The following SYTL2 variants were observed in gnomAD, a reference collection of about 807,000 sequenced individuals.
The protein encoded by SYTL2 is synaptotagmin like 2, also known as synaptotagmin-like protein 2.
A neutral mutation model predicts 198.7 loss-of-function variants in SYTL2; 165 were observed. The ratio of observed to expected loss-of-function variants is 0.83; its 90% CI spans 0.73 to 0.94. The LOEUF (loss-of-function observed/expected upper bound fraction) is 0.94. Ranked by LOEUF, SYTL2 falls within the 40% of genes least tolerant of loss-of-function variation. The pLI, the probability that SYTL2 is intolerant of heterozygous loss-of-function variation, is 0.00. For synonymous variants in SYTL2, 966 were observed against 917.7 expected, an observed-to-expected ratio of 1.05 and a Z score of -0.95; for missense variants, 2,835 against 2,582.8, an observed-to-expected ratio of 1.10 and a Z score of -2.12.
chr11:85,779,280 T>C (rs547668914), intron 1 of SYTL2, among the ~76,000 whole-genome samples: 1 of 152,176 alleles, frequency 6.6e-6, no homozygotes, highest in African/African-American at 2.4e-5. Flanking sequence ...TTGGTTCAGA[T>C]GTGGTTGTTT....
chr11:85,702,507 T>G lies in SYTL2; in HGVS notation c.6190-1914A>C, dbSNP rs995820109. On this transcript the variant is annotated intron_variant, in intron 16 of 19. Transcript: ENST00000359152. ...GCCCCAGAATCTGTGATTTAATAAGTCCTTCAGGTGAATCAGATGCATGCT... is the reference window on the plus strand; with the variant it reads ...GCCCCAGAATCTGTGATTTAATAAGGCCTTCAGGTGAATCAGATGCATGCT... Among the ~76,000 whole-genome samples, 8 of 152,272 alleles carry G rather than the reference T, an allele frequency of 5.3e-5. No homozygotes were observed. In the East Asian group the frequency reaches 1.5e-3, roughly 29 times the overall value.
intron 6 of SYTL2, 64 bp from the exon 7 acceptor site, chr11:85,734,806 G>A: frequency 8.2e-7 from 1 of 1,213,716 alleles, no homozygotes. Context: ...TAAAATACCT[G>A]TCATAAACTT....
intron 2 of SYTL2, among the ~76,000 whole-genome samples, chr11:85,755,813 T>C (rs1020122300): frequency 1.3e-5 from 2 of 152,106 alleles, no homozygotes; most frequent in African/African-American, 4.8e-5. Flanking sequence ...CCTCGTAAGC[T>C]GACTATCTAG....
At chr11:85,851,859 C>T in the SYTL2 span, among the ~76,000 whole-genome samples, 1 of 152,160 alleles carries the variant, frequency 6.6e-6, no homozygotes, top group Non-Finnish European at 1.5e-5. Flanking sequence ...CCTGAATTTG[C>T]ACTCTTAATA....
intron 1 of SYTL2, among the ~76,000 whole-genome samples, chr11:85,766,570 C>T (rs2092244829): frequency 1.3e-5 from 2 of 152,208 alleles, no homozygotes; most frequent in Admixed American, 6.5e-5. Context: ...CACCAAGAGG[C>T]TTGCCTAAGT....
chr11:85,721,077 TA>T, intron 8 of SYTL2, 118 bp from the exon 9 acceptor site: 1 of 609,848 alleles, frequency 1.6e-6, no homozygotes, highest in South Asian at 2.1e-5. Flanking sequence ...GTTTCTACTT[TA>T]AGAAGCACTT....
intron 1 of SYTL2, among the ~76,000 whole-genome samples, chr11:85,761,743 C>T (rs2092101473): frequency 6.6e-6 from 1 of 152,210 alleles, no homozygotes; most frequent in Non-Finnish European, 1.5e-5. Flanking sequence ...ACTGCAACTT[C>T]CACCTCCTGG....
chr11:85,717,935 C>A (rs1365902492), intron 10 of SYTL2, among the ~76,000 whole-genome samples: 1 of 152,122 alleles, frequency 6.6e-6, no homozygotes, highest in Non-Finnish European at 1.5e-5. Context: ...AAAATCCCTG[C>A]CCCATCAACT....
chr11:85,822,815 G>A, the SYTL2 span, among the ~76,000 whole-genome samples: 1 of 152,238 alleles, frequency 6.6e-6, no homozygotes, highest in African/African-American at 2.4e-5. Context: ...CTGACAGGGA[G>A]TAGGACCGTA....
intron 11 of SYTL2, 135 bp from the exon 12 acceptor site, chr11:85,714,642 A>T: frequency 7.0e-7 from 1 of 1,422,972 alleles, no homozygotes; most frequent in Non-Finnish European, 9.2e-7. Flanking sequence ...AGAGTAGTCC[A>T]CATGCACAGG....
In SYTL2 at chr11:85,727,550, C is replaced by G. The variant is rs1281005532; in HGVS notation, c.1808G>C (p.Ser603Thr). ...QAEGDMLVSE[S>T]CQDNNVNIKS... ...GATATTCACATTATTATCTTGGCAA[C>G]TTTCAGAAACCAGCATATCTCCCTC... Residue 603 changes from serine (S) to threonine (T), a missense_variant, in exon 8 of 20, where the codon AGT (serine) becomes ACT (threonine). Around this residue, in one of 3 missense-constraint regions of SYTL2, gnomAD observed 2,645 missense variants for 2,381.7 expected, o/e 1.11. Coordinates refer to ENST00000359152, the MANE Select transcript of SYTL2 (RefSeq NM_206927.4). 1.3e-6 allele frequency: 2 copies of G among 1,535,930 alleles called. No homozygotes were observed. The highest frequency in any genetic ancestry group is 2.0e-5 in the Admixed American group (1 of 50,960).
At chr11:85,757,602 C>A (rs1473497139) in intron 2 of SYTL2, 23 bp downstream of exon 2, 1 of 1,612,250 alleles carries the variant, frequency 6.2e-7, no homozygotes, top group East Asian at 2.2e-5. Context: ...TCCCTCATGC[C>A]CAAGGCTTCT....
chr11:85,711,911 C>G (rs983740774), intron 12 of SYTL2, among the ~76,000 whole-genome samples: 7 of 151,986 alleles, frequency 4.6e-5, no homozygotes, highest in Admixed American at 4.6e-4. Context: ...AAGTAAAATA[C>G]AGGTATTTAT....
chr11:85,813,735 C>T (rs2093058188), upstream of SYTL2, among the ~76,000 whole-genome samples: 1 of 136,962 alleles, frequency 7.3e-6, no homozygotes, highest in African/African-American at 2.6e-5. Flanking sequence ...TTCCTTCCTT[C>T]CTTCCTTCCT....
At chr11:85,829,049 GTT>G in the SYTL2 span, among the ~76,000 whole-genome samples, 2,641 of 146,402 alleles carry the variant, frequency 0.018, 57 homozygotes, top group African/African-American at 0.059. Context: ...AAAGAGCTCT[GTT>G]TTTTTTTTTT....
At position 85,721,086 on chromosome 11, in the gene SYTL2, C is replaced by T. The variant is rs1262000156; in HGVS notation, c.5327-127G>A. 2.0e-5 allele frequency: 12 copies of T among 588,800 alleles called. No homozygotes were observed. In the Admixed American group the frequency reaches 3.1e-4, roughly 15 times the overall value. The allele number at this position is 588,800 out of a possible 1,614,324, so 36.5% of individuals were successfully genotyped here. On this transcript the variant is annotated intron_variant, in intron 8 of 19. Transcript: ENST00000359152. ...CTATGAGTTTCTACTTTAAGAAGCACTTATTTCACAGAAGAAAATAAAATT... is the reference window on the plus strand; with the variant it reads ...CTATGAGTTTCTACTTTAAGAAGCATTTATTTCACAGAAGAAAATAAAATT...
intron 12 of SYTL2, 116 bp from the exon 13 acceptor site, chr11:85,711,348 A>G: frequency 9.1e-7 from 1 of 1,104,290 alleles, no homozygotes; most frequent in Non-Finnish European, 1.3e-6. Context: ...GCAAGGTCAA[A>G]GGATGCTAGT....
chr11:85,814,746 G>C (rs1050637912), upstream of SYTL2, among the ~76,000 whole-genome samples: 1 of 152,172 alleles, frequency 6.6e-6, no homozygotes, highest in Non-Finnish European at 1.5e-5. Flanking sequence ...TTATCAGCTA[G>C]TAAGTAAATA....
intron 12 of SYTL2, 66 bp downstream of exon 12, chr11:85,714,347 C>T (rs2086810313): frequency 4.5e-6 from 6 of 1,324,398 alleles, no homozygotes; most frequent in Admixed American, 3.4e-5. Flanking sequence ...ACAAACACAC[C>T]AACCTTGGCA....
Sources: allele counts gnomAD v4.1 joint callset (sites outside exome capture counted in the v4.1 genomes callset), GRCh38; gene constraint gnomAD v4.1.1; regional missense constraint gnomAD v4.1.1; transcripts MANE v1.5; gene names NCBI Gene and HGNC (gene_info 2026-07-23, HGNC 2026-07-21).